The following UGT2B28 variants were observed in gnomAD, a reference collection of about 807,000 sequenced individuals.
UGT2B28 encodes the protein UDP glucuronosyltransferase family 2 member B28, also known as UDP-glucuronosyltransferase 2B28.
UGT2B28 carries 45 observed loss-of-function variants against 43.6 expected under a neutral mutation model. The ratio of observed to expected loss-of-function variants is 1.03; its 90% CI spans 0.81 to 1.32. The LOEUF (loss-of-function observed/expected upper bound fraction) is 1.32, where lower values mean the gene tolerates loss of function less well. UGT2B28 is among the 40% of genes most tolerant of loss of function. The pLI is 0.00. For missense variants in UGT2B28, 649 were observed against 625.5 expected (o/e 1.04, Z -0.40); for synonymous variants, 204 against 208.1 (o/e 0.98, Z 0.17).
rs1723599981 is a variant in UGT2B28 at position 69,281,229 on chromosome 4, T to C, written c.721+8T>C. 1 of 1,488,694 alleles carries C rather than the reference T, an allele frequency of 6.7e-7. No individual in the cohort carries two copies. The highest frequency in any genetic ancestry group is 8.9e-7 in the Non-Finnish European group (1 of 1,124,642). The allele number at this position is 1,488,694 out of a possible 1,614,324, so 92.2% of individuals were successfully genotyped here. A position where few individuals can be genotyped will look rare whatever the true frequency, so the allele number is the denominator to read the frequency against. On this transcript the variant is annotated splice_region_variant and intron_variant, in intron 1 of 5. Transcript: ENST00000335568. The stretch of plus-strand genomic sequence containing the variant: ...TTTACAGTGAAGTTTTAGGTAAGAA[T>C]TTGTTTAATCGGGAACTTGAAGATC...
intron 1 of UGT2B28, 44 bp from the exon 2 acceptor site, chr4:69,282,470 A>T (rs760787684): frequency 6.6e-7 from 1 of 1,511,914 alleles, no homozygotes; most frequent in African/African-American, 1.6e-5. Context: ...ATGTAAAGTA[A>T]TTATCTTACA....
chr4:69,283,937 C>T lies in UGT2B28; in HGVS notation c.870+1275C>T, dbSNP rs775203775. 3.6e-5 allele frequency among the ~76,000 whole-genome samples: 5 copies of T among 140,658 alleles called. 1 individual carries two copies. Among genetic ancestry groups the T allele is most frequent in the East Asian group, 2.0e-4 (1 of 4,918 alleles). 92.3% of individuals were successfully genotyped at this position (140,658 alleles called of 152,430 possible). A position where few individuals can be genotyped will look rare whatever the true frequency, so the allele number is the denominator to read the frequency against. ...AGTAATAAGGATCTTCACTAGTATTCGAGCATAAAACACTTCCTCAACAAT... is the reference window on the plus strand; with the variant it reads ...AGTAATAAGGATCTTCACTAGTATTTGAGCATAAAACACTTCCTCAACAAT... On this transcript the variant is annotated intron_variant, in intron 2 of 5. Coordinates refer to ENST00000335568, the MANE Select transcript of UGT2B28 (RefSeq NM_053039.2).
Position 69,282,932 on chromosome 4 carries a change from T to G in UGT2B28, c.870+270T>G, listed in dbSNP as rs530232457. On this transcript the variant is annotated intron_variant, in intron 2 of 5. Coordinates refer to ENST00000335568, the MANE Select transcript of UGT2B28 (RefSeq NM_053039.2). ...ATTATGCAACACCTAAGGAGGTATT[T>G]GTCATTCATTCAAAGAATATTTATA... is the stretch of plus-strand genomic sequence containing the variant. Among the ~76,000 whole-genome samples the G allele has an allele frequency of 1.5e-4, 21 of 140,520 alleles. 3 individuals carry two copies. Among genetic ancestry groups the G allele is most frequent in the Non-Finnish European group, 2.0e-4 (13 of 65,614 alleles). The allele number at this position is 140,520 out of a possible 152,430, so 92.2% of individuals were successfully genotyped here.
chr4:69,282,402 A>C lies in UGT2B28; in HGVS notation c.722-112A>C, dbSNP rs772060728. ...ATGAATATATGTATATATTTTTCAA[A>C]GCACACAAACTTTACCTACATCTTT... On this transcript the variant is annotated intron_variant, in intron 1 of 5. Transcript: ENST00000335568. 168 of 1,130,582 alleles carry C rather than the reference A, an allele frequency of 1.5e-4. 11 individuals carry two copies. The highest frequency in any genetic ancestry group is 1.2e-3 in the Middle Eastern group (4 of 3,464). The allele number at this position is 1,130,582 out of a possible 1,614,324, so 70.0% of individuals were successfully genotyped here.
chr4:69,286,375 A>T (rs1296106626), intron 2 of UGT2B28, among the ~76,000 whole-genome samples: 1 of 140,784 alleles, frequency 7.1e-6, no homozygotes, highest in African/African-American at 2.8e-5. Context: ...AGAAAAATAT[A>T]GCATTAAAGC....
Position 69,294,694 on chromosome 4 carries a change from A to C in UGT2B28, c.1475A>C (p.Asp492Ala). The C allele has an allele frequency of 6.4e-7, 1 of 1,559,720 alleles. No homozygotes were observed. The highest frequency in any genetic ancestry group is 8.7e-7 in the Non-Finnish European group (1 of 1,155,384). The stretch of plus-strand genomic sequence containing the variant: ...ACCTGGTTCCAGTACCACTCTTTGG[A>C]TGTGATTGGGTTTCTGCTGGCCTGT... ...DLTWFQYHSLDVIGFLLACVA... is the reference protein window; with the variant it reads ...DLTWFQYHSLAVIGFLLACVA... Residue 492 changes from aspartate (D) to alanine (A), a missense_variant, in exon 6 of 6, where the codon GAT (aspartate) becomes GCT (alanine). Transcript: ENST00000335568.
chr4:69,282,285 C>T (rs1332169200), intron 1 of UGT2B28, among the ~76,000 whole-genome samples: 4 of 139,508 alleles, frequency 2.9e-5, no homozygotes, highest in South Asian at 2.4e-4. Context: ...TTAGAGATGT[C>T]GCTTAACTTC....
chr4:69,286,977 C>G, intron 3 of UGT2B28, 94 bp downstream of exon 3: 1 of 1,490,874 alleles, frequency 6.7e-7, no homozygotes, highest in African/African-American at 1.6e-5. Context: ...CTAGACTGAA[C>G]TCTTTACAGC....
chr4:69,283,844 T>C (rs1193106285), intron 2 of UGT2B28, among the ~76,000 whole-genome samples: 1 of 140,374 alleles, frequency 7.1e-6, no homozygotes, highest in African/African-American at 2.8e-5. Context: ...CCTGTGGACT[T>C]GATTAAAATT....
rs1263925662 is a variant in UGT2B28, at chr4:69,283,240, T to C, written c.870+578T>C. On this transcript the variant is annotated intron_variant, in intron 2 of 5. Transcript: ENST00000335568. ...GAGGCAGACAAAAAGGGAAAGCAGA[T>C]AAAGTGGTCAGGACAGTTCTCAAGT... 2.9e-5 allele frequency among the ~76,000 whole-genome samples: 4 copies of C among 138,600 alleles called. 1 individual carries two copies. The highest frequency in any genetic ancestry group is 4.9e-4 in the South Asian group (2 of 4,096). 90.9% of individuals were successfully genotyped at this position (138,600 alleles called of 152,430 possible).
chr4:69,289,322 T>C lies in UGT2B28; in HGVS notation c.1003-343T>C, dbSNP rs1415833787. ...ATGTTATCTCATTATGGTTTTGATT[T>C]GAATTTCTCTAATGATCCGTGCTGT... is the stretch of plus-strand genomic sequence containing the variant. On this transcript the variant is annotated intron_variant, in intron 3 of 5. Transcript: ENST00000335568. Among the ~76,000 whole-genome samples, 3 of 140,524 alleles carry C rather than the reference T, an allele frequency of 2.1e-5. 1 individual carries two copies. Among genetic ancestry groups the C allele is most frequent in the African/African-American group, 2.8e-5 (1 of 35,962 alleles). The allele number at this position is 140,524 out of a possible 152,430, so 92.2% of individuals were successfully genotyped here.
intron 2 of UGT2B28, 84 bp from the exon 3 acceptor site, chr4:69,286,668 T>C: frequency 6.9e-7 from 1 of 1,449,436 alleles, no homozygotes; most frequent in South Asian, 1.4e-5. Flanking sequence ...TACTTGATTT[T>C]CTCTCTTTAA....
intron 5 of UGT2B28, among the ~76,000 whole-genome samples, chr4:69,294,289 G>GA (rs1180568319): frequency 2.2e-5 from 3 of 138,696 alleles, no homozygotes; most frequent in African/African-American, 5.7e-5. Context: ...TTCTCTGCTT[G>GA]AAAAAAATTA....
chr4:69,287,084 A>G lies in UGT2B28; in HGVS notation c.1002+201A>G, dbSNP rs571598594. 8.0e-5 allele frequency among the ~76,000 whole-genome samples: 11 copies of G among 138,346 alleles called. 2 individuals carry two copies. Among genetic ancestry groups the G allele is most frequent in the South Asian group, 5.0e-4 (2 of 3,968 alleles). The allele number at this position is 138,346 out of a possible 152,430, so 90.8% of individuals were successfully genotyped here. A position where few individuals can be genotyped will look rare whatever the true frequency, so the allele number is the denominator to read the frequency against. On this transcript the variant is annotated intron_variant, in intron 3 of 5. Transcript: ENST00000335568. ...TACATGTGGCCCTGGGGGTGTTACTACCCTTGGTATGCATGAGTGGTTCCT... is the reference window on the plus strand; with the variant it reads ...TACATGTGGCCCTGGGGGTGTTACTGCCCTTGGTATGCATGAGTGGTTCCT...
intron 3 of UGT2B28, 91 bp downstream of exon 3, chr4:69,286,974 G>T: frequency 6.7e-7 from 1 of 1,500,196 alleles, no homozygotes. Flanking sequence ...AGGCTAGACT[G>T]AACTCTTTAC....
rs4495113 is a variant in UGT2B28, at chr4:69,284,106, A to T, written c.870+1444A>T. Among the ~76,000 whole-genome samples the T allele has an allele frequency of 2.9e-3, 400 of 138,848 alleles. 53 individuals carry two copies. The highest frequency in any genetic ancestry group is 0.024 in the East Asian group (116 of 4,864). 91.1% of individuals were successfully genotyped at this position (138,848 alleles called of 152,430 possible). A position where few individuals can be genotyped will look rare whatever the true frequency, so the allele number is the denominator to read the frequency against. ...CCTATTAGAGCAGACGATGTCTGCC[A>T]TATGACAAGCAACTCAGTAAAGCTT... is the stretch of plus-strand genomic sequence containing the variant. On this transcript the variant is annotated intron_variant, in intron 2 of 5. Transcript: ENST00000335568.
chr4:69,288,566 A>G (rs1187002092), intron 3 of UGT2B28, among the ~76,000 whole-genome samples: 1 of 139,838 alleles, frequency 7.2e-6, no homozygotes, highest in Non-Finnish European at 1.5e-5. Context: ...TTTTTATAAT[A>G]TTTTTATTTT....
chr4:69,293,848 A>G (rs1560568597), intron 5 of UGT2B28, among the ~76,000 whole-genome samples: 1 of 140,750 alleles, frequency 7.1e-6, no homozygotes, highest in Admixed American at 7.2e-5. Flanking sequence ...CTTAATCAGA[A>G]GAGTGCCATA....
Position 69,283,061 on chromosome 4 carries a change from G to GT in UGT2B28, c.870+400dup, listed in dbSNP as rs1403877580. On this transcript the variant is annotated intron_variant, in intron 2 of 5. Transcript: ENST00000335568. ...ACATTCTACTTTGAAATATAGAAAA[G>GT]TAACTAATGAAAATGTTTTAAAAAA... 3.4e-4 allele frequency among the ~76,000 whole-genome samples: 48 copies of GT among 140,434 alleles called. 9 individuals carry two copies. The highest frequency in any genetic ancestry group is 1.2e-3 in the African/African-American group (44 of 36,060). 92.1% of individuals were successfully genotyped at this position (140,434 alleles called of 152,430 possible). A position where few individuals can be genotyped will look rare whatever the true frequency, so the allele number is the denominator to read the frequency against.
Sources: gnomAD v4.1 joint callset for allele counts (sites outside exome capture counted in the v4.1 genomes callset) on GRCh38, gnomAD v4.1.1 for gene constraint, MANE v1.5 for transcripts, NCBI Gene and HGNC (gene_info 2026-07-23, HGNC 2026-07-21) for gene names.